TENM4: variants seen among roughly 807,000 people sequenced by gnomAD.
The protein encoded by TENM4 is teneurin-4.
A neutral mutation model predicts 243.3 loss-of-function variants in TENM4; 82 were observed. The observed-to-expected ratio is 0.34, with a 90% confidence interval of 0.28 to 0.40. TENM4 has a LOEUF of 0.40. Ranked by LOEUF, TENM4 falls within the 10% of genes least tolerant of loss-of-function variation. The probability of loss-of-function intolerance (pLI) is 1.00; values close to 1 mark genes in which losing one functional copy is unlikely to be tolerated. For missense variants in TENM4, 3,138 were observed against 3,673.3 expected, an observed-to-expected ratio of 0.85 and a Z score of 3.77; for synonymous variants, 1,412 against 1,456.3, an observed-to-expected ratio of 0.97 and a Z score of 0.69.
intron 3 of TENM4, among the ~76,000 whole-genome samples, chr11:79,164,099 A>AGTATATAT (rs1862838243): frequency 4.4e-5 from 5 of 113,180 alleles, no homozygotes; most frequent in African/African-American, 1.9e-4. Context: ...ATGTATATAT[A>AGTATATAT]GTATATATAC....
At chr11:79,086,224 C>G (rs1317412385) in intron 4 of TENM4, among the ~76,000 whole-genome samples, 3 of 152,238 alleles carry the variant, frequency 2.0e-5, no homozygotes, top group Middle Eastern at 3.2e-3. Context: ...CCTTCTCCCC[C>G]TGCTTTTGGA....
At chr11:78,722,290 C>T (rs1855403553) in intron 24 of TENM4, among the ~76,000 whole-genome samples, 1 of 152,188 alleles carries the variant, frequency 6.6e-6, no homozygotes, top group Admixed American at 6.5e-5. Context: ...GCTAGGATTA[C>T]AGGTATGAGC....
intron 12 of TENM4, among the ~76,000 whole-genome samples, chr11:78,824,367 C>G (rs55681823): frequency 0.054 from 8,177 of 152,038 alleles, 744 homozygotes; most frequent in African/African-American, 0.19. Flanking sequence ...GGTGCTACAC[C>G]CTTTAAAATG....
chr11:79,435,343 T>C (rs982245876), intron 1 of TENM4, among the ~76,000 whole-genome samples: 3 of 152,250 alleles, frequency 2.0e-5, no homozygotes, highest in Non-Finnish European at 4.4e-5. Flanking sequence ...CCATGTTTGC[T>C]TGGCTCCCTG....
chr11:78,930,260 CTT>C (rs1291488469), intron 6 of TENM4, among the ~76,000 whole-genome samples: 4 of 152,146 alleles, frequency 2.6e-5, no homozygotes. Flanking sequence ...ATGTGAATGA[CTT>C]AGAAAGGAAG....
intron 2 of TENM4, among the ~76,000 whole-genome samples, chr11:79,253,615 A>T (rs2135309103): frequency 6.6e-6 from 1 of 152,276 alleles, no homozygotes; most frequent in Non-Finnish European, 1.5e-5. Flanking sequence ...TGATTGGTAC[A>T]GCTTCTCCTC....
chr11:78,858,637 G>A (rs1235748454), intron 10 of TENM4, among the ~76,000 whole-genome samples: 1 of 152,106 alleles, frequency 6.6e-6, no homozygotes, highest in Non-Finnish European at 1.5e-5. Context: ...AAGACTTTTT[G>A]TCCTTAATTC....
In TENM4 at chr11:78,903,040, C is replaced by T. The variant is rs138885652; in HGVS notation, c.749+228G>A. ...TGCGGGGGGTGTCTAGCAACTTGGC[C>T]AAGGTCACACCTTTGGTAATCAGCA... On this transcript the variant is annotated intron_variant, in intron 7 of 33. Coordinates refer to ENST00000278550, the MANE Select transcript of TENM4 (RefSeq NM_001098816.3). 2.6e-5 allele frequency among the ~76,000 whole-genome samples: 4 copies of T among 152,258 alleles called. No individual in the cohort carries two copies. In the East Asian group the frequency reaches 5.8e-4, roughly 22 times the overall value.
At chr11:78,824,035 AGTGACAGGGCCAG>A (rs1198443769) in intron 12 of TENM4, among the ~76,000 whole-genome samples, 1 of 152,218 alleles carries the variant, frequency 6.6e-6, no homozygotes, top group Non-Finnish European at 1.5e-5. Flanking sequence ...GCCGCTAATA[AGTGACAGGGCCAG>A]TATCAAAATC....
chr11:79,254,531 C>T (rs534951596), intron 2 of TENM4, among the ~76,000 whole-genome samples: 70 of 152,294 alleles, frequency 4.6e-4, no homozygotes, highest in South Asian at 8.3e-4. Context: ...ACAAGTCACG[C>T]GTTCTTTTCT....
chr11:78,847,198 G>A (rs1858415861), intron 12 of TENM4, among the ~76,000 whole-genome samples: 1 of 152,168 alleles, frequency 6.6e-6, no homozygotes, highest in Admixed American at 6.5e-5. Context: ...ACTCTAGTGG[G>A]GATTTTGGTT....
At chr11:78,819,214 G>A (rs960963145) in intron 12 of TENM4, among the ~76,000 whole-genome samples, 10 of 152,126 alleles carry the variant, frequency 6.6e-5, no homozygotes, top group East Asian at 5.8e-4. Context: ...AACCCACTGC[G>A]GTGCCCGTTT....
At chr11:79,139,742 AAT>A (rs1390549516) in intron 4 of TENM4, among the ~76,000 whole-genome samples, 5 of 39,992 alleles carry the variant, frequency 1.3e-4, no homozygotes, top group East Asian at 5.5e-4. Context: ...TATTTATATA[AAT>A]ATATAATATA....
At chr11:79,316,813 C>A (rs1037379734) in intron 1 of TENM4, among the ~76,000 whole-genome samples, 6 of 152,164 alleles carry the variant, frequency 3.9e-5, no homozygotes, top group African/African-American at 1.2e-4. Context: ...TGCCCACCAC[C>A]AACCAAAAAA....
chr11:79,178,294 A>G (rs1159605278), intron 3 of TENM4, among the ~76,000 whole-genome samples: 1 of 152,172 alleles, frequency 6.6e-6, no homozygotes, highest in African/African-American at 2.4e-5. Context: ...TTAGAGGGAT[A>G]TATAAATTGG....
At chr11:78,996,602 T>A (rs1858178175) in intron 6 of TENM4, among the ~76,000 whole-genome samples, 1 of 152,096 alleles carries the variant, frequency 6.6e-6, no homozygotes, top group African/African-American at 2.4e-5. Flanking sequence ...GATAGGAAGG[T>A]TTGCTCTCCT....
chr11:78,986,059 T>C (rs1447953399), intron 6 of TENM4, among the ~76,000 whole-genome samples: 4 of 152,242 alleles, frequency 2.6e-5, no homozygotes, highest in African/African-American at 9.6e-5. Flanking sequence ...TCATTTAGAA[T>C]ATACTAGGAG....
intron 1 of TENM4, among the ~76,000 whole-genome samples, chr11:79,353,060 C>G (rs1390439710): frequency 6.6e-6 from 1 of 152,048 alleles, no homozygotes; most frequent in Non-Finnish European, 1.5e-5. Context: ...AAAGCTGTCT[C>G]CCAGGTAGGG....
intron 29 of TENM4, among the ~76,000 whole-genome samples, chr11:78,687,069 A>G (rs974499848): frequency 1.3e-5 from 2 of 152,152 alleles, no homozygotes; most frequent in African/African-American, 4.8e-5. Context: ...CCTGTGGGGC[A>G]GGTGTTAAAA....
Sources: gnomAD v4.1 joint callset for allele counts (sites outside exome capture counted in the v4.1 genomes callset) on GRCh38, gnomAD v4.1.1 for gene constraint, MANE v1.5 for transcripts, NCBI Gene and HGNC (gene_info 2026-07-23, HGNC 2026-07-21) for gene names.